The following HAS2 variants were observed in gnomAD, a reference collection of about 807,000 sequenced individuals.
HAS2 encodes the protein HA synthase 2.
Under a neutral mutation model 51.6 loss-of-function variants are expected in HAS2, and 16 were observed. That is an observed-to-expected ratio of 0.31 (90% confidence interval 0.21 to 0.47). The LOEUF (loss-of-function observed/expected upper bound fraction) is 0.47, where lower values mean the gene tolerates loss of function less well. Ranked by LOEUF, HAS2 falls within the 20% of genes least tolerant of loss-of-function variation. The pLI is 1.00. For synonymous variants in HAS2, 228 were observed against 235.5 expected (o/e 0.97, Z 0.29); for missense variants, 361 against 662.6 (o/e 0.54, Z 5.00).
At chr8:121,624,660 T>C (rs1812817025) in intron 2 of HAS2, among the ~76,000 whole-genome samples, 1 of 152,240 alleles carries the variant, frequency 6.6e-6, no homozygotes, top group South Asian at 2.1e-4. Flanking sequence ...TGTTCATATT[T>C]GTTATATATT....
chr8:121,626,213 G>A (rs1812849943), intron 2 of HAS2, among the ~76,000 whole-genome samples: 2 of 152,196 alleles, frequency 1.3e-5, no homozygotes, highest in African/African-American at 4.8e-5. Flanking sequence ...TTCAGAATTA[G>A]TACTTTTGAC....
chr8:121,640,803 G>A (rs1207494030), intron 1 of HAS2, 50 bp downstream of exon 1: 2 of 151,924 alleles, frequency 1.3e-5, no homozygotes, highest in African/African-American at 2.4e-5. Context: ...CTTCTCCCTG[G>A]CCTGTTGGAG....
At chr8:121,637,745 G>A (rs1813030454) in intron 1 of HAS2, among the ~76,000 whole-genome samples, 1 of 152,180 alleles carries the variant, frequency 6.6e-6, no homozygotes, top group South Asian at 2.1e-4. Context: ...CTGCTAGAAG[G>A]GAAAGGATAA....
intron 1 of HAS2, among the ~76,000 whole-genome samples, chr8:121,636,369 C>G (rs1434483495): frequency 6.6e-6 from 1 of 152,034 alleles, no homozygotes; most frequent in Non-Finnish European, 1.5e-5. Flanking sequence ...AATCATGAAC[C>G]CTCCCGACTC....
chr8:121,630,827 C>T (rs983822714), intron 1 of HAS2, among the ~76,000 whole-genome samples: 9 of 152,156 alleles, frequency 5.9e-5, no homozygotes, highest in Non-Finnish European at 1.2e-4. Flanking sequence ...GCTGCATGGC[C>T]ACCACGTTGC....
intron 1 of HAS2, among the ~76,000 whole-genome samples, chr8:121,638,173 G>A (rs930159775): frequency 3.3e-5 from 5 of 152,188 alleles, no homozygotes; most frequent in Non-Finnish European, 7.3e-5. Flanking sequence ...AGGAAACCAT[G>A]TATGGGAAAG....
At chr8:121,629,462 G>A (rs776000239) in intron 1 of HAS2, 122 bp from the exon 2 acceptor site, 47 of 777,456 alleles carry the variant, frequency 6.0e-5, no homozygotes, top group African/African-American at 8.7e-5. Context: ...TCAATTTCTC[G>A]CCCAACTCAT....
rs1029189284 is a variant in HAS2 at position 121,612,396 on chromosome 8, C to G, written c.*1713G>C. The G allele has an allele frequency of 6.6e-6, 1 of 152,052 alleles. No homozygotes were observed. Among genetic ancestry groups the G allele is most frequent in the Non-Finnish European group, 1.5e-5 (1 of 68,010 alleles). The allele number at this position is 152,052 out of a possible 1,614,324, so 9.4% of individuals were successfully genotyped here. A position where few individuals can be genotyped will look rare whatever the true frequency, so the allele number is the denominator to read the frequency against. On this transcript the variant is annotated 3_prime_UTR_variant, in exon 4 of 4. Transcript: ENST00000303924. ...AGTCTCAGATGTACCTTTTTGTACTCTGAAGGTAGGATGTGCAGCTTTTTC... is the reference window on the plus strand; with the variant it reads ...AGTCTCAGATGTACCTTTTTGTACTGTGAAGGTAGGATGTGCAGCTTTTTC...
intron 2 of HAS2, among the ~76,000 whole-genome samples, chr8:121,619,252 C>T (rs754897025): frequency 1.3e-5 from 2 of 152,060 alleles, no homozygotes; most frequent in Non-Finnish European, 2.9e-5. Context: ...TTATCTACCT[C>T]AATTTTACTA....
intron 1 of HAS2, among the ~76,000 whole-genome samples, chr8:121,634,134 TC>T (rs1167636027): frequency 6.6e-6 from 1 of 151,954 alleles, no homozygotes; most frequent in Admixed American, 6.6e-5. Context: ...GGTCTGGAAC[TC>T]CTGACCTCAG....
At chr8:121,623,932 T>C (rs1241385391) in intron 2 of HAS2, among the ~76,000 whole-genome samples, 2 of 152,234 alleles carry the variant, frequency 1.3e-5, no homozygotes, top group African/African-American at 4.8e-5. Flanking sequence ...TATCATTATT[T>C]ATGGTAGTTG....
chr8:121,628,900 G>A lies in HAS2; in HGVS notation c.441C>T (p.Ile147=). Residue 147 remains isoleucine (I), a synonymous_variant, in exon 2 of 4, where the codon ATC becomes ATT. Transcript: ENST00000303924. ...VMGRDKSATY[I]WKNNFHEKGP... ...CCTTTTCGTGGAAGTTGTTCTTCCA[G>A]ATATAAGTGGCTGATTTGTCTCTGC... 1 of 1,613,956 alleles carries A rather than the reference G, an allele frequency of 6.2e-7. No homozygotes were observed. Among genetic ancestry groups the A allele is most frequent in the South Asian group, 1.1e-5 (1 of 91,072 alleles).
Position 121,632,111 on chromosome 8 carries a change from A to C in HAS2, c.1-2771T>G, listed in dbSNP as rs80092742. On this transcript the variant is annotated intron_variant, in intron 1 of 3. Coordinates refer to ENST00000303924, the MANE Select transcript of HAS2 (RefSeq NM_005328.3). ...TAGAAGTGAACCTTTATATTTCTGC[A>C]AGATATCTCAGTGTTGTCTAGTATG... Among the ~76,000 whole-genome samples the C allele has an allele frequency of 9.0e-3, 1,370 of 152,334 alleles. 19 individuals are homozygous for C. The highest frequency in any genetic ancestry group is 0.031 in the African/African-American group (1,272 of 41,564).
intron 1 of HAS2, among the ~76,000 whole-genome samples, chr8:121,631,411 GA>G (rs1812926908): frequency 6.6e-6 from 1 of 152,214 alleles, no homozygotes; most frequent in Non-Finnish European, 1.5e-5. Flanking sequence ...GGACTGTGGT[GA>G]GGAGCAAAAT....
intron 3 of HAS2, among the ~76,000 whole-genome samples, chr8:121,616,539 A>T (rs1012120489): frequency 1.3e-5 from 2 of 151,280 alleles, no homozygotes; most frequent in Non-Finnish European, 2.9e-5. Context: ...CAGGTCCAAG[A>T]ATTCTCTTGT....
chr8:121,627,300 A>C lies in HAS2; in HGVS notation c.627+1414T>G, dbSNP rs184207112. On this transcript the variant is annotated intron_variant, in intron 2 of 3. Coordinates refer to ENST00000303924, the MANE Select transcript of HAS2 (RefSeq NM_005328.3). The stretch of plus-strand genomic sequence containing the variant: ...TCTCATCTAAGCCCAAAGTTGTACT[A>C]TGTAAATACCAAATGTCCAAAGATA... Among the ~76,000 whole-genome samples, 44 of 152,320 alleles carry C rather than the reference A, an allele frequency of 2.9e-4. No homozygotes were observed. The East Asian group carries it at 8.3e-3, about 29-fold the overall frequency.
Position 121,614,616 on chromosome 8 carries a change from T to A in HAS2, c.1152A>T (p.Gly384=). The A allele has an allele frequency of 6.2e-7, 1 of 1,613,670 alleles. No homozygotes were observed. The highest frequency in any genetic ancestry group is 8.5e-7 in the Non-Finnish European group (1 of 1,179,576). ...LWMTYEAIIT[G]FFPFFLIATV... ...TGGCAATGAGAAAGAAAGGAAAGAA[T>A]CCAGTGATAATCGCTTCGTAGGTCA... The change falls in exon 4 of 4, where the codon GGA becomes GGT. Residue 384 remains glycine, a synonymous_variant. Transcript: ENST00000303924. This position sits in a 1 kb window ranked among gnomAD's most constrained non-coding sequence, Gnocchi z 7.2.
intron 3 of HAS2, 23 bp from the exon 4 acceptor site, chr8:121,615,061 A>G: frequency 6.4e-7 from 1 of 1,556,054 alleles, no homozygotes; most frequent in Non-Finnish European, 8.7e-7. Flanking sequence ...AAACATAAGT[A>G]ATAGGTAAGC....
intron 2 of HAS2, among the ~76,000 whole-genome samples, chr8:121,625,490 C>G (rs893156003): frequency 4.6e-5 from 7 of 151,168 alleles, no homozygotes; most frequent in African/African-American, 1.7e-4. Flanking sequence ...ATCTTTGTCA[C>G]TCTTAAAAAA....
Sources: allele counts gnomAD v4.1 joint callset (sites outside exome capture counted in the v4.1 genomes callset), GRCh38; gene constraint gnomAD v4.1.1; non-coding constraint Gnocchi (gnomAD v3.1); transcripts MANE v1.5; gene names NCBI Gene and HGNC (gene_info 2026-07-23, HGNC 2026-07-21).